The following RSF1 variants were observed in gnomAD, a reference collection of about 807,000 sequenced individuals.
The protein encoded by RSF1 is HBV pX-associated protein 8.
RSF1 carries 13 observed loss-of-function variants against 145.2 expected under a neutral mutation model. That is an observed-to-expected ratio of 0.09 (90% CI 0.06 to 0.14). The LOEUF (loss-of-function observed/expected upper bound fraction) is 0.14, where lower values mean the gene tolerates loss of function less well. RSF1 is among the 10% of genes least tolerant of loss of function. RSF1 has a pLI of 1.00. For synonymous variants in RSF1, 577 were observed against 592.6 expected, an observed-to-expected ratio of 0.97 and a Z score of 0.38; for missense variants, 1,517 against 1,718.2, an observed-to-expected ratio of 0.88 and a Z score of 2.07.
chr11:77,705,536 T>C (rs1960527454), intron 5 of RSF1, among the ~76,000 whole-genome samples: 1 of 152,248 alleles, frequency 6.6e-6, no homozygotes, highest in African/African-American at 2.4e-5. Flanking sequence ...GATTATCTAT[T>C]CTCCTCTTCC....
At chr11:77,749,691 A>C (rs1181743567) in intron 2 of RSF1, among the ~76,000 whole-genome samples, 1 of 152,142 alleles carries the variant, frequency 6.6e-6, no homozygotes, top group Non-Finnish European at 1.5e-5. Flanking sequence ...AAATTTACTG[A>C]CCTTTATTTA....
chr11:77,794,132 T>G (rs1948549081), intron 1 of RSF1, among the ~76,000 whole-genome samples: 1 of 152,124 alleles, frequency 6.6e-6, no homozygotes, highest in South Asian at 2.1e-4. Context: ...AGACAGATTC[T>G]CTAGACAGAA....
At chr11:77,823,645 A>C (rs1949041096), upstream of RSF1, among the ~76,000 whole-genome samples, 1 of 151,276 alleles carries the variant, frequency 6.6e-6, no homozygotes, top group African/African-American at 2.4e-5. Context: ...AAAAAAAAGA[A>C]TAATTTGACC....
intron 5 of RSF1, among the ~76,000 whole-genome samples, chr11:77,711,435 G>A (rs1221658720): frequency 3.3e-5 from 5 of 152,138 alleles, no homozygotes; most frequent in East Asian, 1.9e-4. Context: ...TGTGGAGGCC[G>A]AGGCGAGCGG....
At chr11:77,850,761 AAC>A in the RSF1 span, 16 of 137,714 alleles carry the variant, frequency 1.2e-4, no homozygotes, top group Admixed American at 6.7e-4. Flanking sequence ...TCTCACTCTA[AAC>A]ACACACACAC....
Position 77,700,830 on chromosome 11 carries a change from C to CT in RSF1, c.2398dup (p.Arg800LysfsTer7). On this transcript the variant is annotated frameshift_variant, in exon 6 of 16. Transcript: ENST00000308488. LOFTEE classifies it high-confidence loss of function. ...TTCCACCTCATCTTCTCCTTCCCCT[C>CT]TTTTTTTATCAGCTTTCTGATCTCT... 6.2e-7 allele frequency: 1 copy of CT among 1,613,284 alleles called. No individual in the cohort carries two copies. Among genetic ancestry groups the CT allele is most frequent in the Non-Finnish European group, 8.5e-7 (1 of 1,179,978 alleles).
chr11:77,736,416 G>T (rs114785894), intron 4 of RSF1, among the ~76,000 whole-genome samples: 1 of 152,246 alleles, frequency 6.6e-6, no homozygotes, highest in African/African-American at 2.4e-5. Flanking sequence ...TTCAGAGTCT[G>T]CCATTCAAAC....
At chr11:77,846,878 CTA>C in the RSF1 span, among the ~76,000 whole-genome samples, 1 of 152,112 alleles carries the variant, frequency 6.6e-6, no homozygotes, top group Non-Finnish European at 1.5e-5. Context: ...AATAATCAGA[CTA>C]TGCCATTTGG....
At chr11:77,848,086 A>G in the RSF1 span, among the ~76,000 whole-genome samples, 8 of 152,252 alleles carry the variant, frequency 5.3e-5, no homozygotes, top group Admixed American at 3.9e-4. Context: ...AATCTCATCC[A>G]TAGACATTCT....
intron 1 of RSF1, among the ~76,000 whole-genome samples, chr11:77,787,493 G>C (rs191147433): frequency 6.6e-6 from 1 of 152,204 alleles, no homozygotes; most frequent in Non-Finnish European, 1.5e-5. Context: ...ATTTATGGTT[G>C]CTTTTACACT....
chr11:77,808,765 C>T lies in RSF1; in HGVS notation c.187+11763G>A, dbSNP rs1312498148. Among the ~76,000 whole-genome samples, 8 of 105,294 alleles carry T rather than the reference C, an allele frequency of 7.6e-5. 1 individual carries two copies. The highest frequency in any genetic ancestry group is 4.8e-5 in the African/African-American group (1 of 21,048). 69.1% of individuals were successfully genotyped at this position (105,294 alleles called of 152,430 possible). ...AACCGGGATGGTCTCGATCTCCTGA[C>T]CTCGTGATCCGCCCACCTCGGCCTC... On this transcript the variant is annotated intron_variant, in intron 1 of 15. Transcript: ENST00000308488.
chr11:77,667,709 C>T (rs1239115815), intron 15 of RSF1, among the ~76,000 whole-genome samples: 3 of 151,000 alleles, frequency 2.0e-5, no homozygotes, highest in East Asian at 1.9e-4. Flanking sequence ...ACAATATTTT[C>T]TTTTTTTTTA....
At chr11:77,865,354 T>C in the RSF1 span, among the ~76,000 whole-genome samples, 1 of 152,212 alleles carries the variant, frequency 6.6e-6, no homozygotes, top group Admixed American at 6.5e-5. Flanking sequence ...TAGCACAATT[T>C]CATTTAGGGG....
intron 5 of RSF1, among the ~76,000 whole-genome samples, chr11:77,715,494 C>G (rs761661948): frequency 1.1e-4 from 17 of 152,312 alleles, no homozygotes; most frequent in Non-Finnish European, 2.1e-4. Flanking sequence ...GTCGCCCAGG[C>G]TGGAGTGCAG....
At chr11:77,724,549 T>C (rs971782785) in intron 5 of RSF1, among the ~76,000 whole-genome samples, 2 of 152,168 alleles carry the variant, frequency 1.3e-5, no homozygotes, top group African/African-American at 4.8e-5. Context: ...CTTATTATTA[T>C]TAAAAGGAAG....
At chr11:77,710,511 T>A (rs1960653836) in intron 5 of RSF1, among the ~76,000 whole-genome samples, 1 of 152,236 alleles carries the variant, frequency 6.6e-6, no homozygotes, top group African/African-American at 2.4e-5. Context: ...TGTCCTACAG[T>A]TTCCAGATAC....
At chr11:77,827,028 C>T in the RSF1 span, among the ~76,000 whole-genome samples, 2 of 152,086 alleles carry the variant, frequency 1.3e-5, no homozygotes, top group Non-Finnish European at 2.9e-5. Flanking sequence ...TCACTTGAAC[C>T]CAGGAGGCAG....
At chr11:77,672,010 A>G (rs750689315) in intron 15 of RSF1, 32 bp downstream of exon 15, 1 of 1,563,788 alleles carries the variant, frequency 6.4e-7, no homozygotes, top group South Asian at 1.2e-5. Flanking sequence ...TGCCCTGTCC[A>G]AACTTCTATA....
chr11:77,847,767 G>T, the RSF1 span, among the ~76,000 whole-genome samples: 2 of 152,106 alleles, frequency 1.3e-5, no homozygotes, highest in African/African-American at 2.4e-5. Context: ...ATTAGTCAGG[G>T]TTCTCCAGAA....
Sources: allele counts gnomAD v4.1 joint callset (sites outside exome capture counted in the v4.1 genomes callset), GRCh38; gene constraint gnomAD v4.1.1; transcripts MANE v1.5; gene names NCBI Gene and HGNC (gene_info 2026-07-23, HGNC 2026-07-21).